RPIA: variants seen among roughly 807,000 people sequenced by gnomAD.
RPIA encodes ribose 5-phosphate isomerase A, also known as ribose-5-phosphate isomerase.
RPIA carries 29 observed loss-of-function variants against 37.8 expected under a neutral mutation model. That is an observed-to-expected ratio of 0.77 (90% confidence interval 0.57 to 1.05). RPIA has a LOEUF of 1.05. Among genes scored for constraint, RPIA ranks in the 50% least tolerant of loss-of-function variants. The probability of loss-of-function intolerance (pLI) is 0.00; values close to 1 mark genes in which losing one functional copy is unlikely to be tolerated. For synonymous variants in RPIA, 167 were observed against 157.0 expected, an observed-to-expected ratio of 1.06 and a Z score of -0.48; for missense variants, 385 against 413.6, an observed-to-expected ratio of 0.93 and a Z score of 0.60.
intron 3 of RPIA, among the ~76,000 whole-genome samples, chr2:88,711,636 A>G (rs1338185500): frequency 6.6e-6 from 1 of 152,256 alleles, no homozygotes; most frequent in Non-Finnish European, 1.5e-5. Context: ...GTCAAGGAAA[A>G]GACCTGGAAA....
intron 1 of RPIA, among the ~76,000 whole-genome samples, chr2:88,698,072 CTTT>C (rs1202343270): frequency 6.7e-6 from 1 of 149,126 alleles, no homozygotes; most frequent in Non-Finnish European, 1.5e-5. Context: ...TCTTCTTCTT[CTTT>C]CTTTCTTTCT....
At chr2:88,749,773 G>T (rs1673480563) in intron 8 of RPIA, among the ~76,000 whole-genome samples, 2 of 152,174 alleles carry the variant, frequency 1.3e-5, no homozygotes, top group South Asian at 2.1e-4. Context: ...ACAGAAAGAA[G>T]GCCAAAGTGG....
At chr2:88,737,618 A>G (rs905558738) in intron 7 of RPIA, among the ~76,000 whole-genome samples, 2 of 152,228 alleles carry the variant, frequency 1.3e-5, no homozygotes, top group Non-Finnish European at 2.9e-5. Context: ...GCAGATAAGA[A>G]CAATGAATTT....
chr2:88,708,208 A>G lies in RPIA; in HGVS notation c.402+8144A>G, dbSNP rs115969214. 8.3e-3 allele frequency among the ~76,000 whole-genome samples: 1,257 copies of G among 152,334 alleles called. 17 individuals carry two copies. Among genetic ancestry groups the G allele is most frequent in the African/African-American group, 0.029 (1,198 of 41,582 alleles). ...GTCTATCAGGTCTTGTCTGCTTTCCATAATCAGAGGTGTCAGGAATCTCAG... is the reference window on the plus strand; with the variant it reads ...GTCTATCAGGTCTTGTCTGCTTTCCGTAATCAGAGGTGTCAGGAATCTCAG... On this transcript the variant is annotated intron_variant, in intron 3 of 8. Transcript: ENST00000283646.
At chr2:88,746,826 T>C (rs1361212861) in intron 8 of RPIA, among the ~76,000 whole-genome samples, 2 of 152,336 alleles carry the variant, frequency 1.3e-5, no homozygotes, top group African/African-American at 2.4e-5. Context: ...CTGTTGTTTT[T>C]CCCTTTTTGG....
At position 88,734,568 on chromosome 2, in the gene RPIA, A is replaced by T. The variant is rs767524469; in HGVS notation, c.479A>T (p.Asp160Val). The change falls in exon 5 of 9, where the codon GAT becomes GTT. Residue 160 changes from aspartate to valine, a missense_variant. This residue lies in a region of RPIA where 153 missense variants were observed against 210.6 expected (regional missense o/e 0.73). Coordinates refer to ENST00000283646, the MANE Select transcript of RPIA (RefSeq NM_144563.3). Reference sequence around the variant, plus strand: ...CCAATACAGATCGACCTTGCCATCGATGGTGCTGATGAAGTAGATGCTGAT... The same window carrying T: ...CCAATACAGATCGACCTTGCCATCGTTGGTGCTGATGAAGTAGATGCTGAT... ...DRHPEIDLAI[D>V]GADEVDADLN... 2 of 1,613,982 alleles carry T rather than the reference A, an allele frequency of 1.2e-6. No homozygotes were observed. Among genetic ancestry groups the T allele is most frequent in the African/African-American group, 2.7e-5 (2 of 74,908 alleles).
At chr2:88,711,473 T>C (rs1672961922) in intron 3 of RPIA, among the ~76,000 whole-genome samples, 1 of 152,198 alleles carries the variant, frequency 6.6e-6, no homozygotes, top group Admixed American at 6.5e-5. Flanking sequence ...CTGGAATCAA[T>C]AGAAGGGAAT....
chr2:88,742,600 G>T (rs1022129988), intron 8 of RPIA, among the ~76,000 whole-genome samples: 1 of 152,068 alleles, frequency 6.6e-6, no homozygotes, highest in Admixed American at 6.6e-5. Context: ...GCGGTATTTC[G>T]ATGGGAATGG....
At chr2:88,704,054 A>G (rs1186104643) in intron 3 of RPIA, among the ~76,000 whole-genome samples, 1 of 152,160 alleles carries the variant, frequency 6.6e-6, no homozygotes, top group Non-Finnish European at 1.5e-5. Flanking sequence ...CAAGTTTTTC[A>G]TCTCCATCTG....
Position 88,735,690 on chromosome 2 carries a change from G to C in RPIA, c.549G>C (p.Lys183Asn), listed in dbSNP as rs763871321. The change falls in exon 6 of 9, where the codon AAG becomes AAC. Residue 183 changes from lysine to asparagine, a missense_variant. By Grantham distance (94) the Lys-to-Asn change is moderately conservative (BLOSUM62 0). Transcript: ENST00000283646. The part of the protein sequence containing the change: ...KGGGGCLTQE[K>N]IVAGYASRFI... Reference sequence around the variant, plus strand: ...GCAGAGGCTGCCTGACCCAGGAGAAGATTGTGGCTGGCTATGCTAGTCGCT... The same window carrying C: ...GCAGAGGCTGCCTGACCCAGGAGAACATTGTGGCTGGCTATGCTAGTCGCT... 9 of 1,614,170 alleles carry C rather than the reference G, an allele frequency of 5.6e-6. No individual in the cohort carries two copies. Among genetic ancestry groups the C allele is most frequent in the East Asian group, 2.2e-5 (1 of 44,882 alleles).
At chr2:88,740,555 G>A (rs1409277856) in intron 8 of RPIA, among the ~76,000 whole-genome samples, 1 of 152,158 alleles carries the variant, frequency 6.6e-6, no homozygotes, top group Non-Finnish European at 1.5e-5. Context: ...AGTATGTGAG[G>A]ACGCTTAGAA....
intron 3 of RPIA, among the ~76,000 whole-genome samples, chr2:88,700,973 A>G (rs1285584643): frequency 6.6e-6 from 1 of 152,186 alleles, no homozygotes; most frequent in Non-Finnish European, 1.5e-5. Context: ...AGGCTTGGAT[A>G]GCTGGGTTTC....
chr2:88,728,553 C>T (rs1408802928), intron 3 of RPIA, among the ~76,000 whole-genome samples: 1 of 152,212 alleles, frequency 6.6e-6, no homozygotes, highest in African/African-American at 2.4e-5. Context: ...AAACTCACAT[C>T]ACTGGGACTT....
chr2:88,704,274 C>T (rs749477901), intron 3 of RPIA, among the ~76,000 whole-genome samples: 21 of 152,134 alleles, frequency 1.4e-4, no homozygotes, highest in Non-Finnish European at 1.9e-4. Context: ...TCTGTTTTCA[C>T]GCAGCTGATA....
At chr2:88,747,065 A>G (rs1350002485) in intron 8 of RPIA, among the ~76,000 whole-genome samples, 1 of 152,176 alleles carries the variant, frequency 6.6e-6, no homozygotes, top group Non-Finnish European at 1.5e-5. Flanking sequence ...GAGAAAAACC[A>G]TCAGGTTAGG....
intron 3 of RPIA, among the ~76,000 whole-genome samples, chr2:88,721,607 A>C: frequency 7.5e-6 from 1 of 133,122 alleles, no homozygotes; most frequent in African/African-American, 2.7e-5. Context: ...TTTTTGCAGC[A>C]CTATTCACAA....
chr2:88,712,526 C>T (rs1672972601), intron 3 of RPIA, among the ~76,000 whole-genome samples: 1 of 152,126 alleles, frequency 6.6e-6, no homozygotes, highest in African/African-American at 2.4e-5. Context: ...ACAGTTCACC[C>T]TCCCTCTCCT....
intron 3 of RPIA, among the ~76,000 whole-genome samples, chr2:88,725,969 G>A (rs183742416): frequency 3.3e-5 from 5 of 152,306 alleles, no homozygotes; most frequent in South Asian, 2.1e-4. Context: ...TTAACAAACC[G>A]GCAGAATTCC....
At chr2:88,740,469 G>A (rs1233995065) in intron 8 of RPIA, among the ~76,000 whole-genome samples, 1 of 152,032 alleles carries the variant, frequency 6.6e-6, no homozygotes, top group Non-Finnish European at 1.5e-5. Flanking sequence ...TTAGATTCAC[G>A]GCTGGACCAG....
Sources: allele counts gnomAD v4.1 joint callset (sites outside exome capture counted in the v4.1 genomes callset), GRCh38; gene constraint gnomAD v4.1.1; regional missense constraint gnomAD v4.1.1; transcripts MANE v1.5; gene names NCBI Gene and HGNC (gene_info 2026-07-23, HGNC 2026-07-21).